Variants in EXOC4 observed in about 807,000 individuals in gnomAD.
EXOC4 encodes the protein exocyst complex component 4.
A neutral mutation model predicts 107.2 loss-of-function variants in EXOC4; 71 were observed. The observed-to-expected ratio is 0.66, with a 90% CI of 0.55 to 0.81. The LOEUF is 0.81. EXOC4 is among the 30% of genes least tolerant of loss of function. The probability of loss-of-function intolerance (pLI) is 0.00; values close to 1 mark genes in which losing one functional copy is unlikely to be tolerated. For missense variants in EXOC4, 1,108 were observed against 1,189.6 expected, an observed-to-expected ratio of 0.93 and a Z score of 1.01; for synonymous variants, 456 against 441.2, an observed-to-expected ratio of 1.03 and a Z score of -0.42.
chr7:133,981,096 A>G (rs1247003641), intron 14 of EXOC4, among the ~76,000 whole-genome samples: 1 of 152,174 alleles, frequency 6.6e-6, no homozygotes, highest in African/African-American at 2.4e-5. Context: ...AGTCTGTACC[A>G]TGTGTCAACT....
At chr7:133,347,737 A>G (rs531505585) in intron 5 of EXOC4, among the ~76,000 whole-genome samples, 72 of 151,542 alleles carry the variant, frequency 4.8e-4, no homozygotes, top group African/African-American at 1.7e-3. Context: ...TATACATACA[A>G]TGTGTGTGTG....
At chr7:133,826,119 C>G (rs1797697322) in intron 11 of EXOC4, among the ~76,000 whole-genome samples, 1 of 152,026 alleles carries the variant, frequency 6.6e-6, no homozygotes, top group African/African-American at 2.4e-5. Flanking sequence ...TGGAAGATGC[C>G]TGTGTTCTTG....
At chr7:133,372,898 G>A (rs1024565521) in intron 6 of EXOC4, among the ~76,000 whole-genome samples, 3 of 152,158 alleles carry the variant, frequency 2.0e-5, no homozygotes, top group South Asian at 2.1e-4. Flanking sequence ...ATTCATGGCA[G>A]AAAATAACTA....
intron 5 of EXOC4, 151 bp downstream of exon 5, chr7:133,317,541 A>G: frequency 3.3e-6 from 2 of 604,834 alleles, no homozygotes; most frequent in Non-Finnish European, 5.9e-6. Context: ...AGCCCTTTGC[A>G]ACCTTCAGAG....
chr7:133,944,344 G>A (rs1368416990), intron 14 of EXOC4, among the ~76,000 whole-genome samples: 1 of 152,158 alleles, frequency 6.6e-6, no homozygotes, highest in East Asian at 1.9e-4. Context: ...GACCTTGAGA[G>A]TTATAGGAAT....
At chr7:134,020,075 A>G (rs1398355862) in intron 17 of EXOC4, among the ~76,000 whole-genome samples, 1 of 152,234 alleles carries the variant, frequency 6.6e-6, no homozygotes, top group Non-Finnish European at 1.5e-5. Flanking sequence ...ACCACAAATT[A>G]GCACGTCATC....
chr7:133,672,965 C>G (rs573800580), intron 10 of EXOC4, among the ~76,000 whole-genome samples: 1 of 152,204 alleles, frequency 6.6e-6, no homozygotes, highest in South Asian at 2.1e-4. Context: ...AGGAAATATG[C>G]TCTCTTCTTT....
chr7:133,419,815 A>C (rs9649587), intron 7 of EXOC4, among the ~76,000 whole-genome samples: 43,842 of 151,988 alleles, frequency 0.29, 6,591 homozygotes, highest in South Asian at 0.41. Flanking sequence ...AAAATAGCAC[A>C]CACTTATTAT....
At chr7:133,968,535 G>A (rs1307664360) in intron 14 of EXOC4, among the ~76,000 whole-genome samples, 1 of 152,134 alleles carries the variant, frequency 6.6e-6, no homozygotes, top group African/African-American at 2.4e-5. Context: ...GGCAGGCCTG[G>A]TGGTGACAAA....
At chr7:133,860,252 A>G (rs1467050094) in intron 11 of EXOC4, among the ~76,000 whole-genome samples, 1 of 152,222 alleles carries the variant, frequency 6.6e-6, no homozygotes, top group East Asian at 1.9e-4. Flanking sequence ...CAGAATTGCT[A>G]TGCTAGGAGA....
intron 9 of EXOC4, among the ~76,000 whole-genome samples, chr7:133,605,986 G>T (rs1489456438): frequency 6.6e-6 from 1 of 152,136 alleles, no homozygotes; most frequent in African/African-American, 2.4e-5. Context: ...GAAGCTAAGT[G>T]AGAAGGTGTT....
At chr7:133,568,986 T>C (rs184137629) in intron 9 of EXOC4, among the ~76,000 whole-genome samples, 49 of 152,264 alleles carry the variant, frequency 3.2e-4, no homozygotes, top group Non-Finnish European at 5.9e-4. Context: ...TCTACTGATA[T>C]TTTTTAGCAA....
chr7:133,424,748 A>G (rs773788040), intron 7 of EXOC4, among the ~76,000 whole-genome samples: 1 of 152,228 alleles, frequency 6.6e-6, no homozygotes, highest in African/African-American at 2.4e-5. Flanking sequence ...GTCAGTAAAT[A>G]ATCCATAAAA....
At chr7:134,098,743 T>C in the EXOC4 span, among the ~76,000 whole-genome samples, 2 of 152,192 alleles carry the variant, frequency 1.3e-5, no homozygotes, top group Non-Finnish European at 2.9e-5. Flanking sequence ...ACAAGAGCTC[T>C]CACTGAAGTA....
At chr7:133,950,402 C>A (rs552996714) in intron 14 of EXOC4, among the ~76,000 whole-genome samples, 1 of 152,262 alleles carries the variant, frequency 6.6e-6, no homozygotes, top group South Asian at 2.1e-4. Flanking sequence ...TTTAAAAGAT[C>A]TGTATACTTT....
Position 133,317,353 on chromosome 7 carries a change from T to G in EXOC4, c.726T>G (p.Leu242=). The change falls in exon 5 of 18, where the codon CTT becomes CTG. Residue 242 remains leucine (L), a synonymous_variant. Coordinates refer to ENST00000253861, the MANE Select transcript of EXOC4 (RefSeq NM_021807.4). ...VTNLPTPRKF[L]DTSHYSTAGS... is the part of the protein sequence containing the mutation. ...ACCTCCCTACTCCTCGAAAATTCCTTGATACCTCTCACTATTCTACTGCTG... is the reference window on the plus strand; with the variant it reads ...ACCTCCCTACTCCTCGAAAATTCCTGGATACCTCTCACTATTCTACTGCTG... 1 of 1,612,878 alleles carries G rather than the reference T, an allele frequency of 6.2e-7. No individual in the cohort carries two copies. Among genetic ancestry groups the G allele is most frequent in the Non-Finnish European group, 8.5e-7 (1 of 1,178,902 alleles).
At chr7:134,077,372 C>T in the EXOC4 span, among the ~76,000 whole-genome samples, 47 of 152,216 alleles carry the variant, frequency 3.1e-4, no homozygotes, top group Non-Finnish European at 6.2e-4. Context: ...CAGATCTTTA[C>T]ACAGCCTACT....
intron 10 of EXOC4, among the ~76,000 whole-genome samples, chr7:133,780,739 A>T (rs886560154): frequency 6.6e-6 from 1 of 152,196 alleles, no homozygotes; most frequent in Non-Finnish European, 1.5e-5. Flanking sequence ...CAGGAACTCC[A>T]TGAGAATCCA....
chr7:133,484,255 A>G, intron 9 of EXOC4: 2 of 1,302,710 alleles, frequency 1.5e-6, no homozygotes, highest in Non-Finnish European at 2.0e-6. Flanking sequence ...TATGGTACAG[A>G]TGGTTCATTA....
Sources: allele counts gnomAD v4.1 joint callset (sites outside exome capture counted in the v4.1 genomes callset), GRCh38; gene constraint gnomAD v4.1.1; transcripts MANE v1.5; gene names NCBI Gene and HGNC (gene_info 2026-07-23, HGNC 2026-07-21).